The following USP9X variants were observed in gnomAD, a reference collection of about 807,000 sequenced individuals.
USP9X encodes ubiquitin carboxyl-terminal hydrolase 9X.
In USP9X, 7 loss-of-function variants were observed where a neutral mutation model predicts 190.3. That is an observed-to-expected ratio of 0.04 (90% CI 0.02 to 0.07). USP9X has a LOEUF of 0.07. Ranked by LOEUF, USP9X falls within the 10% of genes least tolerant of loss-of-function variation. The pLI, the probability that USP9X is intolerant of heterozygous loss-of-function variation, is 1.00. For synonymous variants in USP9X, 645 were observed against 659.5 expected, an observed-to-expected ratio of 0.98 and a Z score of 0.34; for missense variants, 1,010 against 1,916.9, an observed-to-expected ratio of 0.53 and a Z score of 8.83.
At chrX:41,155,809 G>A (rs982919810) in intron 14 of USP9X, among the ~76,000 whole-genome samples, 1 of 111,700 alleles carries the variant, frequency 9.0e-6, no homozygotes, top group Admixed American at 9.5e-5. Context: ...TTGGAGAAAC[G>A]GCTGTTTCCA....
intron 11 of USP9X, among the ~76,000 whole-genome samples, chrX:41,146,929 A>T (rs2062470821): frequency 1.8e-5 from 2 of 110,397 alleles, no homozygotes; most frequent in Non-Finnish European, 3.8e-5. Context: ...TCACGATACC[A>T]TTATCTACCT....
At chrX:41,198,054 ATTG>A (rs1444004017) in intron 29 of USP9X, among the ~76,000 whole-genome samples, 3 of 112,120 alleles carry the variant, frequency 2.7e-5, no homozygotes, top group African/African-American at 9.7e-5. Context: ...TTATAAAGTA[ATTG>A]TTGTTTAGTT....
intron 11 of USP9X, among the ~76,000 whole-genome samples, chrX:41,145,031 ACT>A (rs2062453171): frequency 9.0e-6 from 1 of 110,828 alleles, no homozygotes; most frequent in Non-Finnish European, 1.9e-5. Flanking sequence ...TAGCCCAAGA[ACT>A]CCTCCTACAG....
chrX:41,230,439 A>G, intron 43 of USP9X, 62 bp from the exon 44 acceptor site: 1 of 1,065,099 alleles, frequency 9.4e-7, no homozygotes, highest in South Asian at 2.0e-5. Context: ...TCAAATAGAA[A>G]AAGTTAAAAG....
At chrX:41,224,672 C>T (rs2063297658) in intron 39 of USP9X, 70 bp from the exon 40 acceptor site, 6 of 919,425 alleles carry the variant, frequency 6.5e-6, no homozygotes, top group Non-Finnish European at 9.1e-6. Flanking sequence ...TATTTTCTAT[C>T]GTGAAAGTTG....
intron 33 of USP9X, 126 bp downstream of exon 33, chrX:41,210,808 A>G (rs1054359492): frequency 3.9e-4 from 277 of 706,476 alleles, no homozygotes; most frequent in Non-Finnish European, 5.4e-4. Flanking sequence ...CTGAAACAGA[A>G]TGATTTATAT....
rs993309363 is a variant in USP9X at position 41,225,188 on chromosome X, A to G, written c.7061+51A>G. The G allele has an allele frequency of 5.4e-6, 6 of 1,109,351 alleles. No individual in the cohort carries two copies. In the African/African-American group the frequency reaches 7.3e-5, roughly 13 times the overall value. The allele number at this position is 1,109,351 out of a possible 1,213,427, so 91.4% of individuals were successfully genotyped here. A position where few individuals can be genotyped will look rare whatever the true frequency, so the allele number is the denominator to read the frequency against. ...ACAATTAGGCTTGCCCAGGTGTTAG[A>G]GTTAACTGAAATTGACAGTCACCAC... On this transcript the variant is annotated intron_variant, in intron 41 of 44. Transcript: ENST00000378308.
At chrX:41,154,070 A>T (rs1343709590) in intron 14 of USP9X, among the ~76,000 whole-genome samples, 2 of 111,937 alleles carry the variant, frequency 1.8e-5, no homozygotes, top group East Asian at 5.5e-4. Context: ...AGATAAACAT[A>T]AAAATTAAGT....
intron 1 of USP9X, among the ~76,000 whole-genome samples, chrX:41,096,209 G>T (rs752380494): frequency 8.9e-6 from 1 of 112,640 alleles, no homozygotes; most frequent in African/African-American, 3.2e-5. Context: ...CCCGCTCCCC[G>T]CAAGGGGTTA....
chrX:41,186,436 G>A (rs995676694), intron 23 of USP9X, 81 bp from the exon 24 acceptor site: 3 of 1,083,588 alleles, frequency 2.8e-6, no homozygotes, highest in Non-Finnish European at 3.8e-6. Flanking sequence ...CTGCAGGAGT[G>A]GGTGATGAAT....
chrX:41,158,731 G>A (rs967013641), intron 14 of USP9X, among the ~76,000 whole-genome samples: 1 of 111,309 alleles, frequency 9.0e-6, no homozygotes, highest in Non-Finnish European at 1.9e-5. Context: ...TCCACGGACT[G>A]GGGGGTGGGG....
chrX:41,231,998 A>G (rs2063364361), intron 44 of USP9X, among the ~76,000 whole-genome samples: 1 of 111,565 alleles, frequency 9.0e-6, no homozygotes, highest in Admixed American at 9.6e-5. Context: ...TGGTTAGTCA[A>G]TCGGATTTAG....
In USP9X at chrX:41,196,335, T is replaced by G; in HGVS notation, c.4062T>G (p.Ile1354Met). The change falls in exon 27 of 45, where the codon ATT becomes ATG. Residue 1354 changes from isoleucine to methionine, a missense_variant. This residue lies in a region of USP9X where 351 missense variants were observed against 480.8 expected (regional missense o/e 0.73). Transcript: ENST00000378308. ...CMGHRPLLFF[I>M]TLLFTVLGST... ...GACACCGGCCTCTACTTTTCTTCAT[T>G]ACTCTACTCTTTACTGTTTTGGGGG... The G allele has an allele frequency of 8.3e-7, 1 of 1,211,346 alleles. No individual in the cohort carries two copies. The highest frequency in any genetic ancestry group is 1.1e-6 in the Non-Finnish European group (1 of 895,055).
At chrX:41,206,187 G>A (rs926283182) in intron 32 of USP9X, among the ~76,000 whole-genome samples, 1 of 111,456 alleles carries the variant, frequency 9.0e-6, no homozygotes, top group Admixed American at 9.6e-5. Flanking sequence ...CACTGTGCCC[G>A]GCCCCTACCT....
intron 21 of USP9X, among the ~76,000 whole-genome samples, chrX:41,174,916 G>A (rs375228468): frequency 2.7e-5 from 3 of 111,330 alleles, no homozygotes; most frequent in East Asian, 2.8e-4. Flanking sequence ...CCTGGGAGGC[G>A]GAGGTTGCGT....
At chrX:41,222,571 C>T (rs887933675) in intron 38 of USP9X, among the ~76,000 whole-genome samples, 3 of 111,402 alleles carry the variant, frequency 2.7e-5, no homozygotes, top group Non-Finnish European at 5.7e-5. Flanking sequence ...TTTCATCCTC[C>T]TTACAAATGA....
chrX:41,191,971 C>G lies in USP9X; in HGVS notation c.3977+2496C>G, dbSNP rs750587631. ...ACTCCCAGTTATGTGGCTTTTACTTCATGTGTCTTTGAACTCCATACACTT... is the reference window on the plus strand; with the variant it reads ...ACTCCCAGTTATGTGGCTTTTACTTGATGTGTCTTTGAACTCCATACACTT... On this transcript the variant is annotated intron_variant, in intron 26 of 44. Coordinates refer to ENST00000378308, the MANE Select transcript of USP9X (RefSeq NM_001039591.3). 9.9e-5 allele frequency among the ~76,000 whole-genome samples: 11 copies of G among 111,348 alleles called. No individual in the cohort carries two copies. The East Asian group carries it at 3.1e-3, about 31-fold the overall frequency.
chrX:41,205,458 A>G lies in USP9X; in HGVS notation c.4980A>G (p.Gln1660=), dbSNP rs758510112. 3.3e-6 allele frequency: 4 copies of G among 1,210,550 alleles called. No homozygotes were observed. Among genetic ancestry groups the G allele is most frequent in the Non-Finnish European group, 4.5e-6 (4 of 895,036 alleles). The change falls in exon 32 of 45, where the codon CAA becomes CAG. Residue 1660 remains glutamine, a synonymous_variant. Transcript: ENST00000378308. ...GTCATTTAGCTGCTTCTCGACTGCA[A>G]TACTATGTGCCCAGAGGATTTTGGA... is the stretch of plus-strand genomic sequence containing the variant. ...IFGHLAASRL[Q]YYVPRGFWKQ...
At chrX:41,113,223 A>ATGGAGTCTCGCTCTGTCGCCCGGGC (rs1283810079) in intron 1 of USP9X, among the ~76,000 whole-genome samples, 1 of 112,017 alleles carries the variant, frequency 8.9e-6, no homozygotes. Flanking sequence ...TTTATTTGAG[A>ATGGAGTCTCGCTCTGTCGCCCGGGC]TGGAGTCTCG....
Sources: allele counts gnomAD v4.1 joint callset (sites outside exome capture counted in the v4.1 genomes callset), GRCh38; gene constraint gnomAD v4.1.1; regional missense constraint gnomAD v4.1.1; transcripts MANE v1.5; gene names NCBI Gene and HGNC (gene_info 2026-07-23, HGNC 2026-07-21).